TUSC3: variants seen among roughly 807,000 people sequenced by gnomAD.
TUSC3 encodes the protein dolichyl-diphosphooligosaccharide--protein glycosyltransferase subunit TUSC3.
A neutral mutation model predicts 44.8 loss-of-function variants in TUSC3; 45 were observed. The observed-to-expected ratio is 1.00, with a 90% CI of 0.79 to 1.29. The LOEUF (loss-of-function observed/expected upper bound fraction) is 1.29. Among genes scored for constraint, TUSC3 ranks in the 50% most tolerant of loss-of-function variants. The pLI is 0.00. For missense variants in TUSC3, 519 were observed against 437.9 expected, an observed-to-expected ratio of 1.19 and a Z score of -1.65; for synonymous variants, 212 against 152.9, an observed-to-expected ratio of 1.39 and a Z score of -2.85.
chr8:15,841,564 C>A, the TUSC3 span, among the ~76,000 whole-genome samples: 1 of 151,816 alleles, frequency 6.6e-6, no homozygotes, highest in Admixed American at 6.6e-5. Flanking sequence ...CCCAGGCTAG[C>A]GTGCAGTGGC....
At chr8:15,593,086 A>T (rs74522990) in intron 1 of TUSC3, among the ~76,000 whole-genome samples, 4,063 of 149,616 alleles carry the variant, frequency 0.027, 199 homozygotes, top group East Asian at 0.23. Context: ...TGTGCTTTTT[A>T]AAAAAAAATT....
intron 7 of TUSC3, among the ~76,000 whole-genome samples, chr8:15,731,817 A>T (rs1217423993): frequency 6.6e-6 from 1 of 152,184 alleles, no homozygotes; most frequent in Non-Finnish European, 1.5e-5. Flanking sequence ...ATGCATTTTT[A>T]AAAATCTACT....
intron 2 of TUSC3, among the ~76,000 whole-genome samples, chr8:15,649,423 A>G (rs1026285096): frequency 4.0e-5 from 6 of 151,820 alleles, no homozygotes; most frequent in Non-Finnish European, 7.4e-5. Context: ...TCTCTACTAA[A>G]AATAGAAAAA....
chr8:15,521,081 T>C (rs1301680736), intron 2 of TUSC3, among the ~76,000 whole-genome samples: 1 of 152,192 alleles, frequency 6.6e-6, no homozygotes, highest in Non-Finnish European at 1.5e-5. Flanking sequence ...AGGACTTACA[T>C]ACAGGGCATT....
chr8:15,526,521 C>T (rs547558805), intron 2 of TUSC3, among the ~76,000 whole-genome samples: 4 of 152,062 alleles, frequency 2.6e-5, no homozygotes, highest in African/African-American at 9.7e-5. Context: ...CAGGTTTCCC[C>T]CATACTGTTC....
chr8:15,790,037 C>T, the TUSC3 span, among the ~76,000 whole-genome samples: 2 of 152,220 alleles, frequency 1.3e-5, no homozygotes, highest in Admixed American at 6.5e-5. Flanking sequence ...AGCATGTGGG[C>T]TGTTGGCAGC....
intron 2 of TUSC3, among the ~76,000 whole-genome samples, chr8:15,633,267 A>G (rs1348584395): frequency 6.6e-6 from 1 of 152,116 alleles, no homozygotes; most frequent in Non-Finnish European, 1.5e-5. Flanking sequence ...TTGGTCCACA[A>G]AGAAGTCGTC....
intron 6 of TUSC3, among the ~76,000 whole-genome samples, chr8:15,710,364 T>C (rs1014718687): frequency 1.3e-5 from 2 of 151,896 alleles, no homozygotes; most frequent in African/African-American, 4.8e-5. Flanking sequence ...TTTCCTCATT[T>C]TTGTGTCTTC....
At chr8:15,567,450 T>TA (rs1378043682) in intron 1 of TUSC3, among the ~76,000 whole-genome samples, 2 of 152,188 alleles carry the variant, frequency 1.3e-5, no homozygotes, top group African/African-American at 4.8e-5. Context: ...GGTACTTACT[T>TA]ATTTAACATT....
At chr8:15,582,174 T>C (rs960669243) in intron 1 of TUSC3, among the ~76,000 whole-genome samples, 5 of 152,210 alleles carry the variant, frequency 3.3e-5, no homozygotes, top group Non-Finnish European at 7.3e-5. Context: ...GGCTCGCGCA[T>C]GGTGCGCGCA....
intron 2 of TUSC3, among the ~76,000 whole-genome samples, chr8:15,644,472 G>A (rs1304509246): frequency 1.3e-5 from 2 of 152,168 alleles, no homozygotes; most frequent in African/African-American, 2.4e-5. Context: ...ATTTCAGATG[G>A]TAGTGAGGTC....
chr8:15,632,825 A>T (rs557992962), intron 2 of TUSC3, among the ~76,000 whole-genome samples: 24 of 152,232 alleles, frequency 1.6e-4, no homozygotes, highest in African/African-American at 5.8e-4. Context: ...TCATGTTCAG[A>T]TTGTCCTAAA....
At chr8:15,786,457 C>T in the TUSC3 span, among the ~76,000 whole-genome samples, 1 of 152,078 alleles carries the variant, frequency 6.6e-6, no homozygotes, top group Non-Finnish European at 1.5e-5. Context: ...ACTCAAAGGA[C>T]AGTAAGAAAA....
At chr8:15,737,603 A>T (rs1810993387) in intron 7 of TUSC3, among the ~76,000 whole-genome samples, 1 of 152,182 alleles carries the variant, frequency 6.6e-6, no homozygotes, top group African/African-American at 2.4e-5. Flanking sequence ...ACTAGGCCAA[A>T]GTATGTGTGT....
At chr8:15,721,826 T>C (rs537374147) in intron 6 of TUSC3, among the ~76,000 whole-genome samples, 2 of 152,066 alleles carry the variant, frequency 1.3e-5, no homozygotes, top group South Asian at 2.1e-4. Flanking sequence ...ATCTAGGTTA[T>C]ATTTTTGTTG....
At chr8:15,504,619 ATATTTTTT>A (rs1176759653) in intron 2 of TUSC3, among the ~76,000 whole-genome samples, 20 of 16,384 alleles carry the variant, frequency 1.2e-3, no homozygotes, top group African/African-American at 5.0e-3. Flanking sequence ...ATATATATAT[ATATTTTTT>A]TTTTTTTTTT....
At chr8:15,426,805 T>A (rs1361785867) in intron 1 of TUSC3, among the ~76,000 whole-genome samples, 1 of 152,204 alleles carries the variant, frequency 6.6e-6, no homozygotes, top group East Asian at 1.9e-4. Context: ...TTTGAGGAAC[T>A]TCTGTACTGT....
rs566032884 is a variant in TUSC3 at position 15,748,239 on chromosome 8, C to A, written c.938-136C>A. The A allele has an allele frequency of 4.9e-4, 349 of 716,066 alleles. 4 individuals carry two copies. The highest frequency in any genetic ancestry group is 2.5e-3 in the South Asian group (164 of 66,234). 44.4% of individuals were successfully genotyped at this position (716,066 alleles called of 1,614,324 possible). On this transcript the variant is annotated intron_variant, in intron 8 of 10. Coordinates refer to ENST00000503731, the MANE Select transcript of TUSC3 (RefSeq NM_006765.4). ...CACATTGGATACCTGTATCCAAATA[C>A]CTGTTTGTTGTACCTGTATGTACCA...
chr8:15,514,074 C>T (rs1330336292), intron 2 of TUSC3, among the ~76,000 whole-genome samples: 1 of 152,180 alleles, frequency 6.6e-6, no homozygotes, highest in African/African-American at 2.4e-5. Context: ...CTATGCGCCA[C>T]CACTTCCCAA....
Sources: gnomAD v4.1 joint callset for allele counts (sites outside exome capture counted in the v4.1 genomes callset) on GRCh38, gnomAD v4.1.1 for gene constraint, MANE v1.5 for transcripts, NCBI Gene and HGNC (gene_info 2026-07-23, HGNC 2026-07-21) for gene names.